The following MCF2L2 variants were observed in gnomAD, a reference collection of about 807,000 sequenced individuals.
The protein encoded by MCF2L2 is probable guanine nucleotide exchange factor MCF2L2.
In MCF2L2, 102 loss-of-function variants were observed where a neutral mutation model predicts 150.2. The ratio of observed to expected loss-of-function variants is 0.68; its 90% confidence interval spans 0.58 to 0.80. MCF2L2 has a LOEUF of 0.80. MCF2L2 is among the 30% of genes least tolerant of loss of function. MCF2L2 has a pLI of 0.00. For missense variants in MCF2L2, 1,256 were observed against 1,372.8 expected (o/e 0.91, Z 1.34); for synonymous variants, 465 against 491.3 (o/e 0.95, Z 0.71).
intron 1 of MCF2L2, among the ~76,000 whole-genome samples, chr3:183,413,404 C>T (rs1715423529): frequency 6.6e-6 from 1 of 151,836 alleles, no homozygotes; most frequent in South Asian, 2.1e-4. Flanking sequence ...TTAGGGTCAC[C>T]CCAACCAGGC....
intron 16 of MCF2L2, 63 bp downstream of exon 16, chr3:183,230,888 T>C: frequency 7.6e-7 from 1 of 1,314,190 alleles, no homozygotes. Flanking sequence ...TGAGTCTCTT[T>C]GTACAACAAA....
intron 5 of MCF2L2, among the ~76,000 whole-genome samples, chr3:183,330,561 T>C (rs1250000215): frequency 2.0e-5 from 3 of 152,118 alleles, no homozygotes; most frequent in African/African-American, 7.2e-5. Flanking sequence ...ATGGGGCTGT[T>C]CTGTATCTTT....
chr3:183,400,998 G>C (rs563293073), intron 1 of MCF2L2, among the ~76,000 whole-genome samples: 3 of 152,154 alleles, frequency 2.0e-5, no homozygotes, highest in East Asian at 3.9e-4. Context: ...AAATTGACAC[G>C]GCAAACGGTA....
In MCF2L2 at chr3:183,341,625, T is replaced by A; in HGVS notation, c.281A>T (p.Glu94Val). 6.2e-7 allele frequency: 1 copy of A among 1,613,308 alleles called. No individual in the cohort carries two copies. The highest frequency in any genetic ancestry group is 8.5e-7 in the Non-Finnish European group (1 of 1,179,238). Residue 94 changes from glutamate (E) to valine (V), a missense_variant, in exon 4 of 30, where the codon GAG (glutamate) becomes GTG (valine). Glu to Val is a moderately radical substitution (Grantham distance 121, BLOSUM62 -2). Coordinates refer to ENST00000328913, the MANE Select transcript of MCF2L2 (RefSeq NM_015078.4). Reference protein sequence around the residue: ...MTYLTSIPSVEAASIGFIVVI... With the variant: ...MTYLTSIPSVVAASIGFIVVI... ...AACAATGAATCCAATGCTGGCAGCC[T>A]CCACACTGCAAAGAAGGGTGGTCAG...
intron 15 of MCF2L2, among the ~76,000 whole-genome samples, chr3:183,256,792 C>G (rs1222348270): frequency 6.6e-6 from 1 of 152,076 alleles, no homozygotes; most frequent in African/African-American, 2.4e-5. Context: ...TAATCTTATA[C>G]CTGTGTCATC....
intron 5 of MCF2L2, among the ~76,000 whole-genome samples, chr3:183,326,517 CA>C (rs796603143): frequency 1.6e-3 from 159 of 101,870 alleles, no homozygotes; most frequent in African/African-American, 5.4e-3. Flanking sequence ...AAAAAAAAAA[CA>C]AAAAAAAACC....
intron 3 of MCF2L2, among the ~76,000 whole-genome samples, chr3:183,351,776 T>C (rs1711510682): frequency 6.6e-6 from 1 of 152,196 alleles, no homozygotes; most frequent in Non-Finnish European, 1.5e-5. Flanking sequence ...GATTAGCCTA[T>C]GTCTTTTTAA....
chr3:183,350,706 C>T (rs1731078369), intron 3 of MCF2L2, among the ~76,000 whole-genome samples: 1 of 152,114 alleles, frequency 6.6e-6, no homozygotes, highest in African/African-American at 2.4e-5. Context: ...AGATCGAGAC[C>T]ATCCTGTCTA....
chr3:183,423,944 T>C (rs1391369683), intron 1 of MCF2L2, among the ~76,000 whole-genome samples: 2 of 152,150 alleles, frequency 1.3e-5, no homozygotes, highest in African/African-American at 2.4e-5. Context: ...TTGATGACTA[T>C]GGGTTTCTAG....
chr3:183,205,824 T>G, intron 25 of MCF2L2, 52 bp downstream of exon 25: 3 of 1,391,040 alleles, frequency 2.2e-6, no homozygotes, highest in Non-Finnish European at 3.1e-6. Context: ...CATCCCCCAC[T>G]GAGCTGAAAT....
intron 3 of MCF2L2, among the ~76,000 whole-genome samples, chr3:183,368,627 G>A (rs1028806416): frequency 6.6e-5 from 10 of 152,282 alleles, no homozygotes; most frequent in African/African-American, 9.6e-5. Context: ...AGCCAGGCGT[G>A]GTGGCAGGTG....
intron 25 of MCF2L2, among the ~76,000 whole-genome samples, chr3:183,205,411 A>C (rs543474086): frequency 5.3e-4 from 81 of 152,290 alleles, no homozygotes; most frequent in African/African-American, 1.8e-3. Context: ...AAAAGTAAGA[A>C]GTAAAAAAAT....
At chr3:183,326,492 CAAAAAAAAAAAAA>C (rs890481068) in intron 5 of MCF2L2, among the ~76,000 whole-genome samples, 5 of 39,424 alleles carry the variant, frequency 1.3e-4, no homozygotes, top group East Asian at 9.2e-4. Flanking sequence ...AACTCCGTCT[CAAAAAAAAAAAAA>C]AAAAAAAAAA....
At chr3:183,216,580 ATTTTTTTTTTTTTTTTTTTTT>A (rs1160267005) in intron 21 of MCF2L2, among the ~76,000 whole-genome samples, 3 of 3,862 alleles carry the variant, frequency 7.8e-4, no homozygotes, top group South Asian at 0.031. Flanking sequence ...ATATATATAT[ATTTTTTTTTTTTTTTTTTTTT>A]TTTTTTTTTT....
intron 22 of MCF2L2, 38 bp downstream of exon 22, chr3:183,215,931 T>C (rs1219978788): frequency 4.4e-6 from 7 of 1,599,186 alleles, no homozygotes; most frequent in Admixed American, 1.7e-5. Flanking sequence ...TGCACCTGCC[T>C]TTTGTGTGAG....
intron 3 of MCF2L2, among the ~76,000 whole-genome samples, chr3:183,353,727 A>G (rs1463501858): frequency 6.6e-6 from 1 of 152,196 alleles, no homozygotes; most frequent in African/African-American, 2.4e-5. Flanking sequence ...CCCACCTCCA[A>G]CACGGGATTA....
At position 183,379,516 on chromosome 3, in the gene MCF2L2, A is replaced by G. The variant is rs112211974; in HGVS notation, c.161-105T>C. The G allele has an allele frequency of 5.0e-5, 36 of 718,356 alleles. 2 individuals carry two copies. The highest frequency in any genetic ancestry group is 2.6e-4 in the African/African-American group (14 of 54,828). The allele number at this position is 718,356 out of a possible 1,614,324, so 44.5% of individuals were successfully genotyped here. On this transcript the variant is annotated intron_variant, in intron 2 of 29. Coordinates refer to ENST00000328913, the MANE Select transcript of MCF2L2 (RefSeq NM_015078.4). ...ATCGGTCACCTCTTTTCCTACCTAT[A>G]TTATCTCAGACTAGAATTTGGGAGA... is the stretch of plus-strand genomic sequence containing the variant.
At chr3:183,349,290 C>T (rs1417851472) in intron 3 of MCF2L2, among the ~76,000 whole-genome samples, 1 of 152,190 alleles carries the variant, frequency 6.6e-6, no homozygotes, top group Non-Finnish European at 1.5e-5. Flanking sequence ...AGAGCACTGA[C>T]TTTAAGCCTT....
rs561631623 is a variant in MCF2L2, at chr3:183,314,702, T to C, written c.754-2930A>G. 4.0e-5 allele frequency among the ~76,000 whole-genome samples: 6 copies of C among 151,628 alleles called. No individual in the cohort carries two copies. In the South Asian group the frequency reaches 1.0e-3, roughly 26 times the overall value. On this transcript the variant is annotated intron_variant, in intron 7 of 29. Transcript: ENST00000328913. The stretch of plus-strand genomic sequence containing the variant: ...CAACTTTTATAGATAATTAAATAGA[T>C]ATAAAAGTTCACTGTACTGAAGAAT...
Sources: gnomAD v4.1 joint callset for allele counts (sites outside exome capture counted in the v4.1 genomes callset) on GRCh38, gnomAD v4.1.1 for gene constraint, MANE v1.5 for transcripts, NCBI Gene and HGNC (gene_info 2026-07-23, HGNC 2026-07-21) for gene names.